ARHGAP32: variants seen among roughly 807,000 people sequenced by gnomAD.
ARHGAP32 encodes the protein rho GTPase-activating protein 32.
A neutral mutation model predicts 186.5 loss-of-function variants in ARHGAP32; 51 were observed. The observed-to-expected ratio is 0.27, with a 90% CI of 0.22 to 0.35. ARHGAP32 has a LOEUF of 0.35. ARHGAP32 is among the 10% of genes least tolerant of loss of function. The probability of loss-of-function intolerance (pLI) is 1.00; values close to 1 mark genes in which losing one functional copy is unlikely to be tolerated. For synonymous variants in ARHGAP32, 950 were observed against 964.3 expected, an observed-to-expected ratio of 0.99 and a Z score of 0.27; for missense variants, 2,186 against 2,623.5, an observed-to-expected ratio of 0.83 and a Z score of 3.64.
chr11:129,128,786 T>G (rs1452969702), intron 2 of ARHGAP32, among the ~76,000 whole-genome samples: 1 of 152,200 alleles, frequency 6.6e-6, no homozygotes, highest in Non-Finnish European at 1.5e-5. Flanking sequence ...GGTTTCGCCG[T>G]GTTGGCCGGG....
chr11:129,216,004 G>A (rs551826518), intron 1 of ARHGAP32, among the ~76,000 whole-genome samples: 1 of 152,232 alleles, frequency 6.6e-6, no homozygotes, highest in South Asian at 2.1e-4. Context: ...TGAAAACAGA[G>A]GCAGAAATTG....
Position 128,986,654 on chromosome 11 carries a change from G to A in ARHGAP32, c.1313C>T (p.Ser438Phe), listed in dbSNP as rs1565358445. The A allele has an allele frequency of 6.2e-7, 1 of 1,613,926 alleles. No homozygotes were observed. ...NIQRLRHEFDSEHVPDLTKEP... is the reference protein window; with the variant it reads ...NIQRLRHEFDFEHVPDLTKEP... ...TTTCGTCAGGTCGGGGACGTGCTCA[G>A]AGTCAAATTCATGGCTGACGTAGAC... Residue 438 changes from serine (S) to phenylalanine (F), a missense_variant, in exon 14 of 23, where the codon TCT becomes TTT. Around this residue, in one of 5 missense-constraint regions of ARHGAP32, gnomAD observed 308 missense variants for 596.5 expected, o/e 0.52. Coordinates refer to ENST00000682385, the MANE Select transcript of ARHGAP32 (RefSeq NM_001378024.1).
At position 128,974,647 on chromosome 11, in the gene ARHGAP32, T is replaced by C. The variant is rs1254903642; in HGVS notation, c.2550A>G (p.Ala850=). Residue 850 remains alanine (A), a synonymous_variant, in exon 21 of 23, where the codon GCA becomes GCG. Transcript: ENST00000682385. ...TCTGACATTGGCTACTACCTGTTTC[T>C]GCATCCTTTTTATTGGCACTTGGTT... The part of the protein sequence containing the change: ...KDKPSANKKD[A]ETGSSQCQTP... The C allele has an allele frequency of 1.9e-6, 3 of 1,614,244 alleles. No homozygotes were observed. Among genetic ancestry groups the C allele is most frequent in the South Asian group, 1.1e-5 (1 of 91,080 alleles).
intron 2 of ARHGAP32, among the ~76,000 whole-genome samples, chr11:129,142,017 T>C (rs559705330): frequency 3.3e-4 from 50 of 150,436 alleles, no homozygotes; most frequent in Non-Finnish European, 6.9e-4. Flanking sequence ...GGCATTCATA[T>C]TTATGGTCAG....
Position 128,986,575 on chromosome 11 carries a change from G to C in ARHGAP32, c.1392C>G (p.Phe464Leu), listed in dbSNP as rs1945877554. Reference sequence around the variant, plus strand: ...TAAGCAGAGGGTTTGGGAGTTCCCGGAAGTACAGCTTACATAGGGAACCCA... The same window carrying C: ...TAAGCAGAGGGTTTGGGAGTTCCCGCAAGTACAGCTTACATAGGGAACCCA... Reference protein sequence around the residue: ...HSVGSLCKLYFRELPNPLLTY... With the variant: ...HSVGSLCKLYLRELPNPLLTY... The change falls in exon 14 of 23, where the codon TTC becomes TTG. Residue 464 changes from phenylalanine (F) to leucine (L), a missense_variant. Around this residue, in one of 5 missense-constraint regions of ARHGAP32, gnomAD observed 308 missense variants for 596.5 expected, o/e 0.52. Transcript: ENST00000682385. 2.5e-6 allele frequency: 4 copies of C among 1,613,998 alleles called. No individual in the cohort carries two copies. Among genetic ancestry groups the C allele is most frequent in the Non-Finnish European group, 3.4e-6 (4 of 1,179,972 alleles).
rs900825841 is a variant in ARHGAP32 at position 128,968,348 on chromosome 11, TCTGA to T, written c.*555_*558del. 3.3e-5 allele frequency: 5 copies of T among 152,196 alleles called. No homozygotes were observed. Among genetic ancestry groups the T allele is most frequent in the African/African-American group, 1.2e-4 (5 of 41,428 alleles). 9.4% of individuals were successfully genotyped at this position (152,196 alleles called of 1,614,324 possible). On this transcript the variant is annotated 3_prime_UTR_variant, in exon 23 of 23. Coordinates refer to ENST00000682385, the MANE Select transcript of ARHGAP32 (RefSeq NM_001378024.1). ...TTTTTAATTATAATGTTGCCAACTG[TCTGA>T]CTGACCTTGAAGGATCAGGGATTTT...
At chr11:129,018,282 A>C (rs929152846) in intron 11 of ARHGAP32, among the ~76,000 whole-genome samples, 3 of 152,214 alleles carry the variant, frequency 2.0e-5, no homozygotes, top group Non-Finnish European at 4.4e-5. Context: ...TACTGTAAAC[A>C]TATTAGATGT....
chr11:129,130,248 A>T (rs1942779494), intron 2 of ARHGAP32, among the ~76,000 whole-genome samples: 1 of 152,210 alleles, frequency 6.6e-6, no homozygotes, highest in African/African-American at 2.4e-5. Flanking sequence ...CAGCATTGTC[A>T]ATCAATCAGA....
chr11:129,197,053 T>C (rs1008522595), upstream of ARHGAP32, among the ~76,000 whole-genome samples: 1 of 151,808 alleles, frequency 6.6e-6, no homozygotes, highest in Non-Finnish European at 1.5e-5. Flanking sequence ...CAAGACTCCA[T>C]CTCAAAAAAA....
At chr11:129,212,029 C>T (rs1252601521) in intron 1 of ARHGAP32, among the ~76,000 whole-genome samples, 1 of 152,028 alleles carries the variant, frequency 6.6e-6, no homozygotes, top group Non-Finnish European at 1.5e-5. Flanking sequence ...CTGGTGCATG[C>T]CTGCAGTCCC....
chr11:129,100,467 A>G (rs1475740499), intron 5 of ARHGAP32, among the ~76,000 whole-genome samples: 1 of 151,300 alleles, frequency 6.6e-6, no homozygotes, highest in Non-Finnish European at 1.5e-5. Context: ...ATCAGCCCAG[A>G]CTCCCTCCCC....
intron 11 of ARHGAP32, among the ~76,000 whole-genome samples, chr11:129,028,299 C>G (rs943761913): frequency 1.3e-5 from 2 of 151,808 alleles, no homozygotes; most frequent in Non-Finnish European, 2.9e-5. Context: ...AACCTTCACA[C>G]AAAAAAATGG....
At chr11:129,253,865 C>T (rs182644967) in intron 1 of ARHGAP32, among the ~76,000 whole-genome samples, 31 of 152,108 alleles carry the variant, frequency 2.0e-4, no homozygotes, top group Non-Finnish European at 3.7e-4. Flanking sequence ...ACCATATGTA[C>T]CTGATCCACT....
At chr11:129,274,147 A>G (rs1591391784) in intron 1 of ARHGAP32, among the ~76,000 whole-genome samples, 1 of 152,198 alleles carries the variant, frequency 6.6e-6, no homozygotes, top group Non-Finnish European at 1.5e-5. Flanking sequence ...TTGTCCTACA[A>G]CAATCTCCTT....
In ARHGAP32 at chr11:128,966,584, A is replaced by C. The variant is rs1945227059; in HGVS notation, c.*2323T>G. On this transcript the variant is annotated 3_prime_UTR_variant, in exon 23 of 23. Coordinates refer to ENST00000682385, the MANE Select transcript of ARHGAP32 (RefSeq NM_001378024.1). Reference sequence around the variant, plus strand: ...CCTGATATTTCTAAACCCACAGGACATTTATTAATAAAGAAATTGTTTCGA... The same window carrying C: ...CCTGATATTTCTAAACCCACAGGACCTTTATTAATAAAGAAATTGTTTCGA... 6.6e-6 allele frequency: 1 copy of C among 152,232 alleles called. No individual in the cohort carries two copies. The highest frequency in any genetic ancestry group is 2.4e-5 in the African/African-American group (1 of 41,454). The allele number at this position is 152,232 out of a possible 1,614,324, so 9.4% of individuals were successfully genotyped here.
At chr11:129,074,167 T>C (rs1224066523) in intron 6 of ARHGAP32, among the ~76,000 whole-genome samples, 1 of 152,032 alleles carries the variant, frequency 6.6e-6, no homozygotes, top group African/African-American at 2.4e-5. Flanking sequence ...TGGAGAAGAA[T>C]AAGTGAATGT....
intron 10 of ARHGAP32, among the ~76,000 whole-genome samples, chr11:129,061,890 A>G (rs545959379): frequency 3.3e-5 from 5 of 152,368 alleles, no homozygotes; most frequent in African/African-American, 1.2e-4. Flanking sequence ...GTAAGTTTAC[A>G]TAACAGTTAC....
intron 1 of ARHGAP32, among the ~76,000 whole-genome samples, chr11:129,254,445 A>G (rs1365351069): frequency 6.6e-6 from 1 of 152,112 alleles, no homozygotes; most frequent in African/African-American, 2.4e-5. Flanking sequence ...TAAAATGGTC[A>G]CTTTTGAAGA....
chr11:129,066,100 C>A (rs1940679934), intron 7 of ARHGAP32, among the ~76,000 whole-genome samples: 1 of 152,078 alleles, frequency 6.6e-6, no homozygotes, highest in Non-Finnish European at 1.5e-5. Context: ...CTTCGAAAAG[C>A]CTTGTTTGTA....
Sources: gnomAD v4.1 joint callset for allele counts (sites outside exome capture counted in the v4.1 genomes callset) on GRCh38, gnomAD v4.1.1 for gene constraint, gnomAD v4.1.1 regional missense constraint, MANE v1.5 for transcripts, NCBI Gene and HGNC (gene_info 2026-07-23, HGNC 2026-07-21) for gene names.